UNC80: variants seen among roughly 807,000 people sequenced by gnomAD.
UNC80 encodes protein unc-80 homolog.
UNC80 carries 164 observed loss-of-function variants against 384.6 expected under a neutral mutation model. The observed-to-expected ratio is 0.43, with a 90% CI of 0.38 to 0.49. The LOEUF is 0.49. UNC80 is among the 20% of genes least tolerant of loss of function. The pLI is 0.00. For missense variants in UNC80, 3,330 were observed against 4,143.0 expected (o/e 0.80, Z 5.39); for synonymous variants, 1,486 against 1,527.8 (o/e 0.97, Z 0.64).
chr2:209,859,012 T>C (rs746008846), intron 22 of UNC80, among the ~76,000 whole-genome samples: 5 of 152,222 alleles, frequency 3.3e-5, no homozygotes, highest in Non-Finnish European at 5.9e-5. Context: ...TTTATGTTTA[T>C]AGAAATCACA....
chr2:209,980,965 G>C (rs2093142860), intron 59 of UNC80, among the ~76,000 whole-genome samples: 1 of 151,702 alleles, frequency 6.6e-6, no homozygotes, highest in Non-Finnish European at 1.5e-5. Context: ...CTTTCCTGTG[G>C]ACATATCTAA....
chr2:209,842,429 A>G lies in UNC80; in HGVS notation c.3437A>G (p.Asn1146Ser). ...GAAAATGGAAGAGATGAAGAGGAGA[A>G]TTTCTTCAAGCGTCTTGGTAAATGT... Reference protein sequence around the residue: ...GMENGRDEEENFFKRLGCHSF... With the variant: ...GMENGRDEEESFFKRLGCHSF... The change falls in exon 21 of 65, where the codon AAT (asparagine) becomes AGT (serine). Residue 1146 changes from asparagine to serine, a missense_variant. By Grantham distance (46) the Asn-to-Ser change is conservative (BLOSUM62 1). Transcript: ENST00000673920. 3 of 1,550,160 alleles carry G rather than the reference A, an allele frequency of 1.9e-6. No homozygotes were observed. Among genetic ancestry groups the G allele is most frequent in the Non-Finnish European group, 2.6e-6 (3 of 1,145,788 alleles).
At position 209,943,532 on chromosome 2, in the gene UNC80, G is replaced by GA. The variant is rs751647341; in HGVS notation, c.7050+27dup. On this transcript the variant is annotated intron_variant, in intron 45 of 64. Coordinates refer to ENST00000673920, the MANE Select transcript of UNC80 (RefSeq NM_001371986.1). ...AATTTCCTGTAAGTAAGCTCTGTGGGAAAAAAAAATGAAGACCAACAAAAT... is the reference window on the plus strand; with the variant it reads ...AATTTCCTGTAAGTAAGCTCTGTGGGAAAAAAAAAATGAAGACCAACAAAAT... 254 of 1,520,578 alleles carry GA rather than the reference G, an allele frequency of 1.7e-4. No homozygotes were observed. The highest frequency in any genetic ancestry group is 7.6e-4 in the Admixed American group (35 of 45,860). The allele number at this position is 1,520,578 out of a possible 1,614,324, so 94.2% of individuals were successfully genotyped here.
chr2:209,903,333 T>C (rs1433637829), intron 28 of UNC80, among the ~76,000 whole-genome samples: 10 of 133,928 alleles, frequency 7.5e-5, no homozygotes, highest in African/African-American at 2.8e-4. Flanking sequence ...TGTGTGTGTG[T>C]GTGTGTGTGT....
intron 14 of UNC80, 69 bp from the exon 15 acceptor site, chr2:209,829,163 C>G (rs2080771113): frequency 2.0e-6 from 3 of 1,523,488 alleles, no homozygotes; most frequent in Non-Finnish European, 2.7e-6. Flanking sequence ...AGGCTTCTGT[C>G]TCAGACTACC....
intron 59 of UNC80, among the ~76,000 whole-genome samples, chr2:209,979,773 G>A (rs1171126948): frequency 6.6e-6 from 1 of 152,150 alleles, no homozygotes; most frequent in Non-Finnish European, 1.5e-5. Context: ...TAGCAAAGTT[G>A]TGTTGTCAAT....
intron 26 of UNC80, among the ~76,000 whole-genome samples, chr2:209,889,782 T>C (rs2086158115): frequency 1.3e-5 from 2 of 152,186 alleles, no homozygotes; most frequent in African/African-American, 4.8e-5. Flanking sequence ...AGAATGATGG[T>C]TTCCAGCTTC....
chr2:209,879,664 C>T (rs759682616), intron 24 of UNC80, among the ~76,000 whole-genome samples: 2 of 152,000 alleles, frequency 1.3e-5, no homozygotes, highest in Non-Finnish European at 2.9e-5. Context: ...AGTCAAATAG[C>T]CCCTATAAGA....
intron 21 of UNC80, among the ~76,000 whole-genome samples, chr2:209,846,939 A>G (rs1236072538): frequency 3.3e-5 from 5 of 152,112 alleles, no homozygotes. Context: ...ATGTACAATG[A>G]GGAATTATTT....
At chr2:209,970,062 G>A in intron 53 of UNC80, 171 bp downstream of exon 53, 1 of 827,538 alleles carries the variant, frequency 1.2e-6, no homozygotes, top group Non-Finnish European at 1.8e-6. Flanking sequence ...TGGTGTGTGG[G>A]GAGATCCAGG....
At chr2:209,812,526 C>T (rs1280773081) in intron 7 of UNC80, among the ~76,000 whole-genome samples, 2 of 152,056 alleles carry the variant, frequency 1.3e-5, no homozygotes, top group South Asian at 2.1e-4. Flanking sequence ...TGTGAGAGCA[C>T]TTTGTATGTG....
intron 5 of UNC80, among the ~76,000 whole-genome samples, chr2:209,787,076 G>A (rs1218504163): frequency 1.3e-5 from 2 of 148,410 alleles, no homozygotes; most frequent in African/African-American, 5.0e-5. Flanking sequence ...AATTCATAAG[G>A]GTTTTGTGCA....
Position 209,805,835 on chromosome 2 carries a change from C to G in UNC80, c.939-7745C>G, listed in dbSNP as rs190979342. On this transcript the variant is annotated intron_variant, in intron 7 of 64. Coordinates refer to ENST00000673920, the MANE Select transcript of UNC80 (RefSeq NM_001371986.1). ...TGCTATACTCTTTGGATCACACCAA[C>G]TAATTTTAGTGCAGAGTGGGAAGGG... 8.5e-5 allele frequency among the ~76,000 whole-genome samples: 13 copies of G among 152,272 alleles called. No homozygotes were observed. In the East Asian group the frequency reaches 2.5e-3, roughly 29 times the overall value.
intron 13 of UNC80, among the ~76,000 whole-genome samples, chr2:209,825,182 G>A (rs1239431800): frequency 2.0e-5 from 3 of 152,266 alleles, no homozygotes; most frequent in Admixed American, 6.5e-5. Context: ...TCATTCCTTA[G>A]CAACTGCTTC....
chr2:209,872,811 T>G lies in UNC80; in HGVS notation c.3681T>G (p.Val1227=). The change falls in exon 23 of 65, where the codon GTT becomes GTG. Residue 1227 remains valine, a synonymous_variant. Transcript: ENST00000673920. The surrounding 1 kb of genome is among the most constrained non-coding windows in gnomAD (Gnocchi z 4.1). ...TGTTCCTGGAATGTGCTCGTTTTGT[T>G]CACCGCTGCAACCGTGGCAACTGGC... ...AALFLECARF[V]HRCNRGNWPE... The G allele has an allele frequency of 6.4e-7, 1 of 1,551,464 alleles. No individual in the cohort carries two copies. Among genetic ancestry groups the G allele is most frequent in the South Asian group, 1.2e-5 (1 of 84,046 alleles).
At chr2:209,808,822 G>A (rs2079118833) in intron 7 of UNC80, 1 of 37,902 alleles carries the variant, frequency 2.6e-5, no homozygotes, top group Non-Finnish European at 4.5e-5. Context: ...CTCTTTCCTC[G>A]TCAGGAAGCT....
chr2:209,900,006 A>T, intron 28 of UNC80, among the ~76,000 whole-genome samples: 1 of 152,194 alleles, frequency 6.6e-6, no homozygotes, highest in East Asian at 1.9e-4. Context: ...CTTCTTGGCC[A>T]GTTATGCCTA....
chr2:209,988,150 T>C (rs1024396073), intron 61 of UNC80, among the ~76,000 whole-genome samples: 1 of 152,196 alleles, frequency 6.6e-6, no homozygotes, highest in Non-Finnish European at 1.5e-5. Context: ...TACTGCGTAT[T>C]TCCCTGCTCT....
chr2:209,813,265 G>T (rs1369466023), intron 7 of UNC80, among the ~76,000 whole-genome samples: 1 of 152,162 alleles, frequency 6.6e-6, no homozygotes, highest in African/African-American at 2.4e-5. Flanking sequence ...CAAACTCGTG[G>T]TTTTTAAAAT....
Sources: allele counts gnomAD v4.1 joint callset (sites outside exome capture counted in the v4.1 genomes callset), GRCh38; gene constraint gnomAD v4.1.1; non-coding constraint Gnocchi (gnomAD v3.1); transcripts MANE v1.5; gene names NCBI Gene and HGNC (gene_info 2026-07-23, HGNC 2026-07-21).